The following PCSK2 variants were observed in gnomAD, a reference collection of about 807,000 sequenced individuals.
The protein encoded by PCSK2 is proprotein convertase subtilisin/kexin type 2.
A neutral mutation model predicts 69.7 loss-of-function variants in PCSK2; 14 were observed. That is an observed-to-expected ratio of 0.20 (90% CI 0.13 to 0.31). The LOEUF is 0.31. Ranked by LOEUF, PCSK2 falls within the 10% of genes least tolerant of loss-of-function variation. The pLI is 1.00. For missense variants in PCSK2, 544 were observed against 842.5 expected, an observed-to-expected ratio of 0.65 and a Z score of 4.39; for synonymous variants, 307 against 320.7, an observed-to-expected ratio of 0.96 and a Z score of 0.46.
chr20:17,260,184 G>A (rs760643516), intron 1 of PCSK2, 56 bp from the exon 2 acceptor site: 2 of 1,133,142 alleles, frequency 1.8e-6, no homozygotes, highest in Non-Finnish European at 1.3e-6. Context: ...TGGTGTCCCT[G>A]TCCCTGGGCC....
At chr20:17,360,072 C>A (rs1225359730) in intron 3 of PCSK2, among the ~76,000 whole-genome samples, 1 of 152,150 alleles carries the variant, frequency 6.6e-6, no homozygotes, top group Non-Finnish European at 1.5e-5. Flanking sequence ...TAGGACATGT[C>A]ATCTCCTGCA....
chr20:17,431,346 C>G (rs1368295263), intron 7 of PCSK2, among the ~76,000 whole-genome samples: 1 of 152,160 alleles, frequency 6.6e-6, no homozygotes, highest in African/African-American at 2.4e-5. Flanking sequence ...CTGCCCAGCT[C>G]GCTTGAACTG....
intron 8 of PCSK2, among the ~76,000 whole-genome samples, chr20:17,449,518 G>A (rs1380450482): frequency 1.1e-5 from 1 of 93,998 alleles, no homozygotes; most frequent in Admixed American, 9.5e-5. Context: ...ATATATATAT[G>A]TATGTATGTA....
At chr20:17,442,556 G>T (rs73250224) in intron 8 of PCSK2, among the ~76,000 whole-genome samples, 10,385 of 152,142 alleles carry the variant, frequency 0.068, 553 homozygotes, top group African/African-American at 0.15. Flanking sequence ...ATCCAATTAC[G>T]ACTTTTTTCT....
At chr20:17,409,367 G>T in intron 6 of PCSK2, 28 bp downstream of exon 6, 2 of 1,498,372 alleles carry the variant, frequency 1.3e-6, no homozygotes, top group South Asian at 2.3e-5. Flanking sequence ...AGGTCTCTTT[G>T]ACTTTAGGCT....
At chr20:17,331,326 G>A (rs1990200796) in intron 2 of PCSK2, among the ~76,000 whole-genome samples, 1 of 152,288 alleles carries the variant, frequency 6.6e-6, no homozygotes, top group Middle Eastern at 3.4e-3. Context: ...ACTTTCATGA[G>A]TGTCACCTTC....
chr20:17,417,345 C>A (rs117603453), intron 6 of PCSK2, among the ~76,000 whole-genome samples: 1,962 of 150,170 alleles, frequency 0.013, 17 homozygotes, highest in Non-Finnish European at 0.02. Context: ...GTAAGAATTC[C>A]CAAGTGTCCA....
intron 11 of PCSK2, among the ~76,000 whole-genome samples, chr20:17,468,843 G>A (rs1352626625): frequency 1.3e-5 from 2 of 152,214 alleles, no homozygotes; most frequent in Admixed American, 6.5e-5. Flanking sequence ...ATCCTCCCAT[G>A]GACAAGCATC....
chr20:17,248,686 A>G (rs1159929488), intron 1 of PCSK2, among the ~76,000 whole-genome samples: 3 of 152,208 alleles, frequency 2.0e-5, no homozygotes, highest in East Asian at 3.9e-4. Flanking sequence ...TATGAGACCA[A>G]TTAGCTCCAT....
intron 1 of PCSK2, among the ~76,000 whole-genome samples, chr20:17,256,203 G>T (rs1409861731): frequency 1.3e-5 from 2 of 151,780 alleles, no homozygotes; most frequent in Admixed American, 1.3e-4. Flanking sequence ...ATTTCTGTTT[G>T]GTTCTTTCTT....
chr20:17,457,181 CCA>C (rs2032937362), intron 10 of PCSK2, among the ~76,000 whole-genome samples: 1 of 152,202 alleles, frequency 6.6e-6, no homozygotes, highest in Non-Finnish European at 1.5e-5. Context: ...GCTTCAGACA[CCA>C]CACACATAGT....
At chr20:17,232,071 A>G (rs184354783) in intron 1 of PCSK2, among the ~76,000 whole-genome samples, 1 of 152,322 alleles carries the variant, frequency 6.6e-6, no homozygotes, top group East Asian at 1.9e-4. Context: ...TAGGACTTTA[A>G]TAACATTTGA....
At chr20:17,463,014 A>C (rs1178853924) in intron 10 of PCSK2, among the ~76,000 whole-genome samples, 1 of 152,242 alleles carries the variant, frequency 6.6e-6, no homozygotes, top group Non-Finnish European at 1.5e-5. Context: ...CTCTTCAGAC[A>C]TATGCAAATA....
At chr20:17,416,220 C>T (rs2031996302) in intron 6 of PCSK2, among the ~76,000 whole-genome samples, 1 of 152,138 alleles carries the variant, frequency 6.6e-6, no homozygotes. Context: ...GAAGAAACTA[C>T]CATCAGAGTG....
chr20:17,289,278 A>C (rs1164065467), intron 2 of PCSK2, among the ~76,000 whole-genome samples: 1 of 152,186 alleles, frequency 6.6e-6, no homozygotes, highest in Admixed American at 6.6e-5. Flanking sequence ...TACCTAAAAC[A>C]AGCCAAATTA....
intron 2 of PCSK2, among the ~76,000 whole-genome samples, chr20:17,357,224 A>G (rs1168632106): frequency 9.2e-5 from 14 of 152,170 alleles, no homozygotes; most frequent in South Asian, 2.1e-4. Flanking sequence ...CCTAAATTGC[A>G]TTTACATCCA....
intron 6 of PCSK2, 23 bp downstream of exon 6, chr20:17,409,362 T>C: frequency 6.5e-7 from 1 of 1,540,420 alleles, no homozygotes; most frequent in Non-Finnish European, 9.0e-7. Context: ...TTGGGAGGTC[T>C]CTTTGACTTT....
chr20:17,414,414 C>T (rs1236342986), intron 6 of PCSK2, among the ~76,000 whole-genome samples: 2 of 152,188 alleles, frequency 1.3e-5, no homozygotes, highest in African/African-American at 4.8e-5. Context: ...CACCTCTACA[C>T]AAATAAACTA....
chr20:17,427,310 G>C (rs781468295), intron 6 of PCSK2, among the ~76,000 whole-genome samples: 2 of 152,190 alleles, frequency 1.3e-5, no homozygotes, highest in Non-Finnish European at 2.9e-5. Flanking sequence ...GAAAAACTAA[G>C]TGAGATGATC....
Sources: allele counts gnomAD v4.1 joint callset (sites outside exome capture counted in the v4.1 genomes callset), GRCh38; gene constraint gnomAD v4.1.1; transcripts MANE v1.5; gene names NCBI Gene and HGNC (gene_info 2026-07-23, HGNC 2026-07-21).